The following PSD3 variants were observed in gnomAD, a reference collection of about 807,000 sequenced individuals.
PSD3 encodes the protein PH and SEC7 domain-containing protein 3.
In PSD3, 49 loss-of-function variants were observed where a neutral mutation model predicts 105.5. The observed-to-expected ratio is 0.46, with a 90% confidence interval of 0.37 to 0.59. The LOEUF is 0.59. Ranked by LOEUF, PSD3 falls within the 20% of genes least tolerant of loss-of-function variation. The probability of loss-of-function intolerance (pLI) is 0.00; values close to 1 mark genes in which losing one functional copy is unlikely to be tolerated. For synonymous variants in PSD3, 557 were observed against 457.8 expected, an observed-to-expected ratio of 1.22 and a Z score of -2.77; for missense variants, 1,561 against 1,263.8, an observed-to-expected ratio of 1.24 and a Z score of -3.57.
chr8:18,705,426 G>A (rs1198244405), intron 9 of PSD3, among the ~76,000 whole-genome samples: 1 of 151,218 alleles, frequency 6.6e-6, no homozygotes, highest in Non-Finnish European at 1.5e-5. Flanking sequence ...AGCTACTTGG[G>A]AGGCTGAGGT....
chr8:18,929,252 TA>T (rs5889835), intron 2 of PSD3, among the ~76,000 whole-genome samples: 72,106 of 147,316 alleles, frequency 0.49, 18,076 homozygotes, highest in East Asian at 0.83. Context: ...ACAACAGTGC[TA>T]AAAAAAAAAA....
intron 9 of PSD3, among the ~76,000 whole-genome samples, chr8:18,696,435 G>A (rs1465125077): frequency 2.0e-5 from 3 of 152,218 alleles, no homozygotes; most frequent in Non-Finnish European, 4.4e-5. Context: ...TGGATTCAAT[G>A]TTGAATCTAC....
chr8:18,989,719 T>G (rs1008844601), intron 1 of PSD3, among the ~76,000 whole-genome samples: 58 of 152,198 alleles, frequency 3.8e-4, no homozygotes, highest in African/African-American at 1.4e-3. Context: ...AATGGCACTT[T>G]TTATTCCTTT....
chr8:18,816,240 C>T (rs1370514402), intron 4 of PSD3, among the ~76,000 whole-genome samples: 3 of 152,150 alleles, frequency 2.0e-5, no homozygotes, highest in South Asian at 4.2e-4. Context: ...CTATTTTAAG[C>T]ACTTTATACT....
chr8:18,541,631 C>G (rs1800154477), intron 15 of PSD3, among the ~76,000 whole-genome samples: 1 of 152,168 alleles, frequency 6.6e-6, no homozygotes, highest in African/African-American at 2.4e-5. Flanking sequence ...AGATCCTCAA[C>G]AGTGCACTGA....
intron 2 of PSD3, among the ~76,000 whole-genome samples, chr8:18,896,791 T>A (rs1429166472): frequency 6.6e-6 from 1 of 151,692 alleles, no homozygotes; most frequent in African/African-American, 2.4e-5. Context: ...CACTAGCATT[T>A]TTTTATGTTT....
intron 4 of PSD3, among the ~76,000 whole-genome samples, chr8:18,850,018 C>G (rs1019220186): frequency 1.6e-4 from 24 of 152,200 alleles, no homozygotes; most frequent in African/African-American, 4.3e-4. Context: ...TGAAGAAATA[C>G]AAATGTTATC....
chr8:18,715,808 C>T (rs1802545721), intron 9 of PSD3, among the ~76,000 whole-genome samples: 1 of 152,128 alleles, frequency 6.6e-6, no homozygotes, highest in Non-Finnish European at 1.5e-5. Flanking sequence ...AGGCAGCTAC[C>T]AAAAAACTGT....
Position 18,916,337 on chromosome 8 carries a change from T to C in PSD3, c.130+19697A>G, listed in dbSNP as rs866993773. On this transcript the variant is annotated intron_variant, in intron 2 of 15. Transcript: ENST00000327040. The stretch of plus-strand genomic sequence containing the variant: ...ATATATATATATATATATATATATA[T>C]ATATATATATATACACACACACACA... Among the ~76,000 whole-genome samples the C allele has an allele frequency of 2.5e-3, 111 of 44,012 alleles. 1 individual carries two copies. Among genetic ancestry groups the C allele is most frequent in the Middle Eastern group, 9.1e-3 (1 of 110 alleles). 28.9% of individuals were successfully genotyped at this position (44,012 alleles called of 152,430 possible). A position where few individuals can be genotyped will look rare whatever the true frequency, so the allele number is the denominator to read the frequency against.
intron 11 of PSD3, among the ~76,000 whole-genome samples, chr8:18,611,290 C>T (rs1805246628): frequency 6.6e-6 from 1 of 151,502 alleles, no homozygotes; most frequent in Non-Finnish European, 1.5e-5. Context: ...TAACCTTCAC[C>T]TTTTGTACAG....
chr8:18,650,155 T>C (rs1015113813), intron 10 of PSD3, among the ~76,000 whole-genome samples: 1 of 152,222 alleles, frequency 6.6e-6, no homozygotes, highest in African/African-American at 2.4e-5. Context: ...TAGACAATAC[T>C]GAACTTATTT....
rs1175075020 is a variant in PSD3, at chr8:18,600,350, T to G, written c.2481+14A>C. 3 of 1,603,460 alleles carry G rather than the reference T, an allele frequency of 1.9e-6. No homozygotes were observed. Among genetic ancestry groups the G allele is most frequent in the Non-Finnish European group, 2.6e-6 (3 of 1,171,502 alleles). On this transcript the variant is annotated intron_variant, in intron 12 of 15. Transcript: ENST00000327040. ...CATCGAGTTTTGTGGATTTTTTATCTGCTTTACTTTTACCTTTTGCAAGTA... is the reference window on the plus strand; with the variant it reads ...CATCGAGTTTTGTGGATTTTTTATCGGCTTTACTTTTACCTTTTGCAAGTA...
intron 8 of PSD3, among the ~76,000 whole-genome samples, chr8:18,779,698 T>C (rs12676642): frequency 0.082 from 12,515 of 152,230 alleles, 1,117 homozygotes; most frequent in East Asian, 0.33. Flanking sequence ...AATCCAGTGA[T>C]GGCTCATAAT....
chr8:18,937,405 A>G (rs1240590423), intron 1 of PSD3, among the ~76,000 whole-genome samples: 1 of 152,172 alleles, frequency 6.6e-6, no homozygotes, highest in Admixed American at 6.5e-5. Flanking sequence ...TTTAACAGCA[A>G]CGAAGTAACT....
At chr8:18,808,844 C>A in intron 4 of PSD3, 1 of 1,606,874 alleles carries the variant, frequency 6.2e-7, no homozygotes, top group Non-Finnish European at 8.5e-7. Context: ...GTCCAGTATT[C>A]TTCAGCTCCC....
intron 11 of PSD3, among the ~76,000 whole-genome samples, chr8:18,605,150 T>C (rs1185208864): frequency 1.3e-5 from 2 of 152,108 alleles, no homozygotes; most frequent in African/African-American, 2.4e-5. Flanking sequence ...GCTTGCACCA[T>C]ATATGCCTGG....
Position 18,625,591 on chromosome 8 carries a change from C to A in PSD3, c.2410+7022G>T, listed in dbSNP as rs529924015. Among the ~76,000 whole-genome samples the A allele has an allele frequency of 4.6e-5, 7 of 152,286 alleles. No individual in the cohort carries two copies. The East Asian group carries it at 7.7e-4, about 17-fold the overall frequency. On this transcript the variant is annotated intron_variant, in intron 11 of 15. Coordinates refer to ENST00000327040, the MANE Select transcript of PSD3 (RefSeq NM_015310.4). ...TATCTAAATACATGCTACACAGTGA[C>A]AGACTGTCCCAACTACACAAAAAAT...
At chr8:18,995,589 G>C (rs574135163) in intron 1 of PSD3, among the ~76,000 whole-genome samples, 2 of 152,090 alleles carry the variant, frequency 1.3e-5, no homozygotes, top group East Asian at 1.9e-4. Flanking sequence ...CAGTGTATTA[G>C]TCTGTTCTCA....
chr8:18,997,325 G>T (rs2129473993), intron 1 of PSD3, among the ~76,000 whole-genome samples: 1 of 151,834 alleles, frequency 6.6e-6, no homozygotes, highest in East Asian at 1.9e-4. Context: ...CCAGTATTTT[G>T]CAAGTCACCC....
Sources: allele counts gnomAD v4.1 joint callset (sites outside exome capture counted in the v4.1 genomes callset), GRCh38; gene constraint gnomAD v4.1.1; transcripts MANE v1.5; gene names NCBI Gene and HGNC (gene_info 2026-07-23, HGNC 2026-07-21).